Variants in SOHLH2 observed in about 807,000 individuals in gnomAD.
SOHLH2 encodes spermatogenesis and oogenesis specific basic helix-loop-helix 2, also known as spermatogenesis- and oogenesis-specific basic helix-loop-helix-containing protein 2.
A neutral mutation model predicts 50.4 loss-of-function variants in SOHLH2; 22 were observed. The observed-to-expected ratio is 0.44, with a 90% CI of 0.31 to 0.62. The LOEUF (loss-of-function observed/expected upper bound fraction) is 0.62, where lower values mean the gene tolerates loss of function less well. SOHLH2 is among the 20% of genes least tolerant of loss of function. The pLI is 0.08. For missense variants in SOHLH2, 412 were observed against 504.4 expected (o/e 0.82, Z 1.76); for synonymous variants, 185 against 187.3 (o/e 0.99, Z 0.10).
intron 10 of SOHLH2, among the ~76,000 whole-genome samples, chr13:36,169,906 C>T (rs1024847041): frequency 2.6e-5 from 4 of 152,172 alleles, no homozygotes; most frequent in South Asian, 2.1e-4. Flanking sequence ...TCCTCCTACC[C>T]GCTTCAACCA....
At chr13:36,199,222 C>T (rs887456154) in intron 2 of SOHLH2, among the ~76,000 whole-genome samples, 18 of 151,826 alleles carry the variant, frequency 1.2e-4, no homozygotes, top group Non-Finnish European at 2.9e-5. Context: ...AATTCATAAA[C>T]TCATAACAAT....
chr13:36,189,964 C>T lies in SOHLH2; in HGVS notation c.623G>A (p.Ser208Asn). ...KNKKISLLHS[S>N]KEKLRRERIK... is the part of the protein sequence containing the mutation. ...AATTCACCTTCTTAGTTTTTCCTTG[C>T]TTGAATGAAGAAGAGAGATCTTTTT... Residue 208 changes from serine to asparagine, a missense_variant, in exon 6 of 11, where the codon AGC becomes AAC. Ser to Asn is a conservative substitution (Grantham distance 46). Coordinates refer to ENST00000379881, the MANE Select transcript of SOHLH2 (RefSeq NM_017826.3). The T allele has an allele frequency of 6.3e-7, 1 of 1,591,646 alleles. No individual in the cohort carries two copies. The highest frequency in any genetic ancestry group is 8.6e-7 in the Non-Finnish European group (1 of 1,166,946).
intron 4 of SOHLH2, among the ~76,000 whole-genome samples, chr13:36,192,171 G>A (rs1333294517): frequency 1.3e-5 from 2 of 152,112 alleles, no homozygotes; most frequent in Non-Finnish European, 2.9e-5. Context: ...AAACACATTC[G>A]ACTGAGTTAT....
intron 1 of SOHLH2, among the ~76,000 whole-genome samples, chr13:36,211,922 G>A (rs60606673): frequency 0.026 from 3,913 of 152,214 alleles, 219 homozygotes; most frequent in East Asian, 0.21. Context: ...AGGAAACAGG[G>A]CCTCCTGCAG....
At chr13:36,196,464 A>G (rs1384051962) in intron 2 of SOHLH2, among the ~76,000 whole-genome samples, 1 of 152,124 alleles carries the variant, frequency 6.6e-6, no homozygotes, top group Non-Finnish European at 1.5e-5. Context: ...AGTGTGGATT[A>G]TAACGGAGGT....
At chr13:36,183,084 TCTCTTGCTC>T in intron 6 of SOHLH2, 1 of 266,330 alleles carries the variant, frequency 3.8e-6, no homozygotes, top group Admixed American at 3.2e-5. Context: ...CCTTTCTCTC[TCTCTTGCTC>T]CTCCTCTTGC....
intron 1 of SOHLH2, among the ~76,000 whole-genome samples, chr13:36,205,106 G>C (rs1868669701): frequency 6.6e-6 from 1 of 152,144 alleles, no homozygotes; most frequent in East Asian, 1.9e-4. Flanking sequence ...ATTGATTTCT[G>C]TATAAGGAAC....
intron 6 of SOHLH2, among the ~76,000 whole-genome samples, chr13:36,176,305 A>G (rs1384994887): frequency 6.6e-6 from 1 of 152,168 alleles, no homozygotes; most frequent in Non-Finnish European, 1.5e-5. Context: ...TTTGCTAGGC[A>G]TATGTCACAT....
In SOHLH2 at chr13:36,182,209, T is replaced by C. The variant is rs922981465; in HGVS notation, c.642-7340A>G. 4.1e-6 allele frequency: 4 copies of C among 985,206 alleles called. No individual in the cohort carries two copies. The African/African-American group carries it at 5.2e-5, about 13-fold the overall frequency. The allele number at this position is 985,206 out of a possible 1,614,324, so 61.0% of individuals were successfully genotyped here. ...AAAGATGGTAATACAGGGAAATTCATGGGGAGAGAATTTTTGCAACTCAGA... is the reference window on the plus strand; with the variant it reads ...AAAGATGGTAATACAGGGAAATTCACGGGGAGAGAATTTTTGCAACTCAGA... On this transcript the variant is annotated intron_variant, in intron 6 of 10. Transcript: ENST00000379881.
chr13:36,206,513 C>T (rs1438786970), intron 1 of SOHLH2, among the ~76,000 whole-genome samples: 2 of 151,864 alleles, frequency 1.3e-5, no homozygotes, highest in South Asian at 2.1e-4. Context: ...GTTAGTTGCT[C>T]ATTTCTTATT....
intron 6 of SOHLH2, among the ~76,000 whole-genome samples, chr13:36,184,290 G>A (rs770797640): frequency 2.6e-5 from 4 of 152,052 alleles, no homozygotes; most frequent in Non-Finnish European, 5.9e-5. Flanking sequence ...AGGGATATGA[G>A]AAAATATTTT....
Position 36,168,988 on chromosome 13 carries a change from C to G in SOHLH2, c.*46G>C, listed in dbSNP as rs113461942. ...GTTCCACTTTTCCTAGATTGTCAAA[C>G]TGCGCCCAGTAGGTGGTTGAGAGTG... On this transcript the variant is annotated 3_prime_UTR_variant, in exon 11 of 11. Transcript: ENST00000379881. 70 of 1,584,642 alleles carry G rather than the reference C, an allele frequency of 4.4e-5. No homozygotes were observed. In the African/African-American group the frequency reaches 6.8e-4, roughly 15 times the overall value.
intron 2 of SOHLH2, among the ~76,000 whole-genome samples, chr13:36,200,680 A>G (rs1472387693): frequency 6.6e-6 from 1 of 152,186 alleles, no homozygotes; most frequent in Non-Finnish European, 1.5e-5. Context: ...CTATCTAAAT[A>G]CATCCTAAGT....
intron 6 of SOHLH2, among the ~76,000 whole-genome samples, chr13:36,176,319 G>A (rs946603837): frequency 6.6e-6 from 1 of 152,112 alleles, no homozygotes; most frequent in African/African-American, 2.4e-5. Context: ...GTCACATTCA[G>A]AATTGAAACT....
At chr13:36,209,818 G>A (rs1009859513) in intron 1 of SOHLH2, among the ~76,000 whole-genome samples, 2 of 152,160 alleles carry the variant, frequency 1.3e-5, no homozygotes, top group Non-Finnish European at 2.9e-5. Flanking sequence ...GAACTAAGTG[G>A]GTGTGAACAG....
At chr13:36,196,472 G>A (rs1451921955) in intron 2 of SOHLH2, among the ~76,000 whole-genome samples, 1 of 151,982 alleles carries the variant, frequency 6.6e-6, no homozygotes, top group Non-Finnish European at 1.5e-5. Flanking sequence ...TTATAACGGA[G>A]GTACAGACAA....
In SOHLH2 at chr13:36,191,770, T is replaced by C. The variant is rs370912164; in HGVS notation, c.530+25A>G. Reference sequence around the variant, plus strand: ...AATAAGTTCTCTAAAAATATTGCTATTATGAAAAAGAACAAAAAACTAACC... The same window carrying C: ...AATAAGTTCTCTAAAAATATTGCTACTATGAAAAAGAACAAAAAACTAACC... On this transcript the variant is annotated intron_variant, in intron 5 of 10. Transcript: ENST00000379881. 1.1e-5 allele frequency: 18 copies of C among 1,612,320 alleles called. No individual in the cohort carries two copies. In the African/African-American group the frequency reaches 2.0e-4, roughly 18 times the overall value.
intron 6 of SOHLH2, among the ~76,000 whole-genome samples, chr13:36,180,520 C>T (rs1022322630): frequency 3.3e-5 from 5 of 151,838 alleles, no homozygotes; most frequent in Admixed American, 3.3e-4. Context: ...AGGTTTGTTA[C>T]ATAGCTAGAC....
rs1312656316 is a variant in SOHLH2 at position 36,177,155 on chromosome 13, T to C, written c.642-2286A>G. On this transcript the variant is annotated intron_variant, in intron 6 of 10. Transcript: ENST00000379881. ...CACTTTTGCCTGTCCTCAAATAGCATATAAATAAAATCTTACAGCATGTAT... is the reference window on the plus strand; with the variant it reads ...CACTTTTGCCTGTCCTCAAATAGCACATAAATAAAATCTTACAGCATGTAT... Among the ~76,000 whole-genome samples, 3 of 152,230 alleles carry C rather than the reference T, an allele frequency of 2.0e-5. No homozygotes were observed. The East Asian group carries it at 5.8e-4, about 29-fold the overall frequency.
Sources: allele counts gnomAD v4.1 joint callset (sites outside exome capture counted in the v4.1 genomes callset), GRCh38; gene constraint gnomAD v4.1.1; transcripts MANE v1.5; gene names NCBI Gene and HGNC (gene_info 2026-07-23, HGNC 2026-07-21).